The following NOC2L variants were observed in gnomAD, a reference collection of about 807,000 sequenced individuals.
NOC2L encodes the protein nucleolar complex protein 2 homolog.
NOC2L carries 101 observed loss-of-function variants against 94.2 expected under a neutral mutation model. The observed-to-expected ratio is 1.07, with a 90% CI of 0.91 to 1.26. The LOEUF (loss-of-function observed/expected upper bound fraction) is 1.26, where lower values mean the gene tolerates loss of function less well. NOC2L is among the 50% of genes most tolerant of loss of function. The pLI is 0.00. For synonymous variants in NOC2L, 531 were observed against 413.4 expected, an observed-to-expected ratio of 1.28 and a Z score of -3.45; for missense variants, 1,076 against 980.1, an observed-to-expected ratio of 1.10 and a Z score of -1.31.
rs1642288170 is a variant in NOC2L, at chr1:952,527, T to C, written c.1076A>G (p.Gln359Arg). 6 of 1,613,928 alleles carry C rather than the reference T, an allele frequency of 3.7e-6. No homozygotes were observed. Among genetic ancestry groups the C allele is most frequent in the East Asian group, 2.2e-5 (1 of 44,890 alleles). ...GGCCAGCAGCTCCGTCAAGGTCCACTGCATGAAACTGATGAAGGGGAGGGC... is the reference window on the plus strand; with the variant it reads ...GGCCAGCAGCTCCGTCAAGGTCCACCGCATGAAACTGATGAAGGGGAGGGC... ...PGALPFISFM[Q>R]WTLTELLALE... Residue 359 changes from glutamine (Q) to arginine (R), a missense_variant, in exon 10 of 19, where the codon CAG (glutamine) becomes CGG (arginine). Around this residue, in one of 3 missense-constraint regions of NOC2L, gnomAD observed 615 missense variants for 577.4 expected, o/e 1.07. Coordinates refer to ENST00000327044, the MANE Select transcript of NOC2L (RefSeq NM_015658.4).
rs765174697 is a variant in NOC2L at position 951,966 on chromosome 1, C to G, written c.1331+34G>C. On this transcript the variant is annotated intron_variant, in intron 11 of 18. Coordinates refer to ENST00000327044, the MANE Select transcript of NOC2L (RefSeq NM_015658.4). Reference sequence around the variant, plus strand: ...TCCCAGCAAATTTGCTTCTCCTGACCCTCCCGCACAACCCTGCCCACCCCA... The same window carrying G: ...TCCCAGCAAATTTGCTTCTCCTGACGCTCCCGCACAACCCTGCCCACCCCA... The G allele has an allele frequency of 1.9e-6, 3 of 1,591,232 alleles. No homozygotes were observed. In the African/African-American group the frequency reaches 4.0e-5, roughly 21 times the overall value.
At chr1:957,332 G>A (rs527810199) in intron 2 of NOC2L, 59 bp from the exon 3 acceptor site, 2 of 1,531,036 alleles carry the variant, frequency 1.3e-6, no homozygotes, top group South Asian at 1.1e-5. Flanking sequence ...GGCGGGGAGT[G>A]GCCTACAGGG....
chr1:948,230 G>A lies in NOC2L; in HGVS notation c.1560C>T (p.Asp520=), dbSNP rs573900479. ...GGTCGTACAGCTGCTCCACCAGGCC[G>A]TCCTGAAGAGCAGGAGAGAGGGCCG... ...NVNLQEKAYR[D]GLVEQLYDLT... is the part of the protein sequence containing the mutation. Residue 520 remains aspartate (D), a splice_region_variant and synonymous_variant, in exon 14 of 19, where the codon GAC becomes GAT. Coordinates refer to ENST00000327044, the MANE Select transcript of NOC2L (RefSeq NM_015658.4). The A allele has an allele frequency of 5.6e-5, 89 of 1,577,154 alleles. No homozygotes were observed. The highest frequency in any genetic ancestry group is 2.2e-4 in the South Asian group (19 of 86,266).
chr1:947,434 T>C (rs541272458), intron 14 of NOC2L, among the ~76,000 whole-genome samples: 4 of 152,212 alleles, frequency 2.6e-5, no homozygotes, highest in African/African-American at 7.2e-5. Context: ...TTGTGGCTCA[T>C]GTGAGCAGAT....
Position 945,636 on chromosome 1 carries a change from G to C in NOC2L, c.1935C>G (p.Phe645Leu). 1.9e-6 allele frequency: 3 copies of C among 1,614,156 alleles called. No individual in the cohort carries two copies. The highest frequency in any genetic ancestry group is 2.5e-6 in the Non-Finnish European group (3 of 1,180,010). The stretch of plus-strand genomic sequence containing the variant: ...CCATCTTCCTTCGTTTGATCTCAGG[G>C]AAGTTCAGGTCTTCCAGCTGGAAGG... ...SGKERLEDLN[F>L]PEIKRRKMAD... is the part of the protein sequence containing the mutation. Residue 645 changes from phenylalanine (F) to leucine (L), a missense_variant, in exon 17 of 19, where the codon TTC (phenylalanine) becomes TTG (leucine). Transcript: ENST00000327044.
chr1:951,347 G>A, intron 11 of NOC2L, 109 bp from the exon 12 acceptor site: 1 of 818,880 alleles, frequency 1.2e-6, no homozygotes, highest in South Asian at 1.5e-5. Context: ...GACCCCTAAA[G>A]CAGGACAAGG....
In NOC2L at chr1:959,196, C is replaced by T. The variant is rs1190470817; in HGVS notation, c.26+19G>A. 3.1e-6 allele frequency: 5 copies of T among 1,610,870 alleles called. No homozygotes were observed. The East Asian group carries it at 1.1e-4, about 36-fold the overall frequency. ...ACACCCACCGGGAGGCCAAATCGGC[C>T]CTCGGACCCGCGGCTTACCTCTTGC... On this transcript the variant is annotated intron_variant, in intron 1 of 18. Transcript: ENST00000327044.
At chr1:954,417 C>G (rs910864921) in intron 6 of NOC2L, 2 of 281,838 alleles carry the variant, frequency 7.1e-6, no homozygotes, top group African/African-American at 4.4e-5. Flanking sequence ...ACATCCCCAC[C>G]GTGAGACCAC....
chr1:954,350 G>T (rs528226748), intron 6 of NOC2L: 4 of 440,298 alleles, frequency 9.1e-6, no homozygotes, highest in Non-Finnish European at 1.6e-5. Flanking sequence ...AGAGTCCCCG[G>T]AAGTCCCAGC....
In NOC2L at chr1:951,245, G is replaced by A. The variant is rs777410083; in HGVS notation, c.1332-7C>T. ...GCGGGCAGTGGGGATGAGCCTGGGGGTGGGAAGGCCGAGTGAGCAGAGGCC... is the reference window on the plus strand; with the variant it reads ...GCGGGCAGTGGGGATGAGCCTGGGGATGGGAAGGCCGAGTGAGCAGAGGCC... On this transcript the variant is annotated splice_region_variant and splice_polypyrimidine_tract_variant and intron_variant, in intron 11 of 18. Coordinates refer to ENST00000327044, the MANE Select transcript of NOC2L (RefSeq NM_015658.4). 16 of 1,568,574 alleles carry A rather than the reference G, an allele frequency of 1.0e-5. No homozygotes were observed. In the South Asian group the frequency reaches 1.4e-4, roughly 14 times the overall value.
At chr1:946,048 T>TC in intron 16 of NOC2L, 125 bp downstream of exon 16, 1 of 723,648 alleles carries the variant, frequency 1.4e-6, no homozygotes, top group Non-Finnish European at 2.3e-6. Flanking sequence ...AGTCGAATCA[T>TC]CCGGGCACGG....
intron 13 of NOC2L, 91 bp downstream of exon 13, chr1:948,399 T>C (rs1002424672): frequency 2.4e-5 from 27 of 1,113,548 alleles, no homozygotes; most frequent in Admixed American, 3.8e-5. Context: ...ATGCTTGAAC[T>C]TGGAGGATGC....
chr1:946,357 C>T, intron 15 of NOC2L, 45 bp downstream of exon 15: 1 of 1,613,224 alleles, frequency 6.2e-7, no homozygotes, highest in Non-Finnish European at 8.5e-7. Context: ...GGGGCTATAC[C>T]CTGGCAGGTG....
intron 17 of NOC2L, 181 bp downstream of exon 17, chr1:945,337 C>G: frequency 1.0e-6 from 1 of 967,258 alleles, no homozygotes; most frequent in South Asian, 1.7e-5. Context: ...CCCAGTAGGC[C>G]TTCACTTCAA....
intron 7 of NOC2L, 23 bp downstream of exon 7, chr1:953,981 T>A: frequency 6.2e-7 from 1 of 1,603,436 alleles, no homozygotes; most frequent in Non-Finnish European, 8.5e-7. Context: ...CAGGCCCCCG[T>A]GCCCTCCCCA....
chr1:949,810 G>C (rs1642204073), intron 12 of NOC2L, among the ~76,000 whole-genome samples: 1 of 152,182 alleles, frequency 6.6e-6, no homozygotes, highest in South Asian at 2.1e-4. Context: ...AAGATGTTCA[G>C]CATCCCTGCC....
chr1:956,229 A>G lies in NOC2L; in HGVS notation c.487-14T>C. The G allele has an allele frequency of 6.2e-7, 1 of 1,612,474 alleles. No homozygotes were observed. Among genetic ancestry groups the G allele is most frequent in the Non-Finnish European group, 8.5e-7 (1 of 1,179,988 alleles). ...AGTGAGGCGTTGCTGAAGGAGCAAG[A>G]GTACCAGGGGCGTCAGGGGAGCTGA... On this transcript the variant is annotated splice_polypyrimidine_tract_variant and intron_variant, in intron 4 of 18. Transcript: ENST00000327044.
intron 14 of NOC2L, among the ~76,000 whole-genome samples, chr1:947,848 A>G (rs1269984651): frequency 6.6e-6 from 1 of 152,174 alleles, no homozygotes; most frequent in African/African-American, 2.4e-5. Flanking sequence ...CTCAGTCCCA[A>G]CCCCGAAGCA....
chr1:946,034 T>C (rs1642098342), intron 16 of NOC2L, 139 bp downstream of exon 16: 1 of 673,430 alleles, frequency 1.5e-6, no homozygotes, highest in Non-Finnish European at 2.5e-6. Context: ...CTACCCCCTC[T>C]CCAAGTCGAA....
Sources: allele counts gnomAD v4.1 joint callset (sites outside exome capture counted in the v4.1 genomes callset), GRCh38; gene constraint gnomAD v4.1.1; regional missense constraint gnomAD v4.1.1; transcripts MANE v1.5; gene names NCBI Gene and HGNC (gene_info 2026-07-23, HGNC 2026-07-21).